Variants in COL4A6 observed in about 807,000 individuals in gnomAD.
COL4A6 encodes the protein collagen type IV alpha 6 chain, also known as collagen alpha-6(IV) chain.
In COL4A6, 59 loss-of-function variants were observed where a neutral mutation model predicts 126.7. The ratio of observed to expected loss-of-function variants is 0.47; its 90% CI spans 0.38 to 0.58. The LOEUF is 0.58. COL4A6 is among the 20% of genes least tolerant of loss of function. The pLI, the probability that COL4A6 is intolerant of heterozygous loss-of-function variation, is 0.00. For missense variants in COL4A6, 1,285 were observed against 1,337.3 expected, an observed-to-expected ratio of 0.96 and a Z score of 0.61; for synonymous variants, 547 against 496.6, an observed-to-expected ratio of 1.10 and a Z score of -1.35.
chrX:108,277,148 C>T (rs904606895), intron 3 of COL4A6, among the ~76,000 whole-genome samples: 1 of 111,458 alleles, frequency 9.0e-6, no homozygotes, highest in African/African-American at 3.3e-5. Flanking sequence ...AGACAGTGGG[C>T]GCAGGACAGT....
At chrX:108,239,599 AT>A (rs780008424) in intron 3 of COL4A6, among the ~76,000 whole-genome samples, 1 of 111,625 alleles carries the variant, frequency 9.0e-6, no homozygotes, top group Admixed American at 9.5e-5. Context: ...CCTATAGTCC[AT>A]TTATAGCTTG....
In COL4A6 at chrX:108,425,925, G is replaced by A. The variant is rs773361910; in HGVS notation, c.63+12017C>T. Among the ~76,000 whole-genome samples the A allele has an allele frequency of 2.4e-4, 27 of 111,170 alleles. No homozygotes were observed. The South Asian group carries it at 4.3e-3, about 18-fold the overall frequency. On this transcript the variant is annotated intron_variant, in intron 2 of 44. Transcript: ENST00000334504. The stretch of plus-strand genomic sequence containing the variant: ...TTTGGGGGAAAAGGGGTCTACTGTC[G>A]TAAATTTTGAAAAATGTTCTAATAG...
chrX:108,207,203 T>C (rs190730887), intron 8 of COL4A6, among the ~76,000 whole-genome samples: 1 of 110,879 alleles, frequency 9.0e-6, no homozygotes, highest in African/African-American at 3.3e-5. Flanking sequence ...TTGTCTACTA[T>C]TTACTTTGAC....
chrX:108,219,951 C>G (rs2035971358), intron 4 of COL4A6, among the ~76,000 whole-genome samples: 1 of 110,987 alleles, frequency 9.0e-6, no homozygotes, highest in Non-Finnish European at 1.9e-5. Context: ...CCGAAACCAG[C>G]TCTTTTTTTT....
In COL4A6 at chrX:108,398,155, A is replaced by G. The variant is rs183330820; in HGVS notation, c.63+39787T>C. Among the ~76,000 whole-genome samples, 3 of 112,322 alleles carry G rather than the reference A, an allele frequency of 2.7e-5. No individual in the cohort carries two copies. In the Admixed American group the frequency reaches 2.8e-4, roughly 11 times the overall value. On this transcript the variant is annotated intron_variant, in intron 2 of 44. Transcript: ENST00000334504. ...ACTCGCCCCACCCTACCCTCACGGCAAGAACTGACTAATGATGAATCAATC... is the reference window on the plus strand; with the variant it reads ...ACTCGCCCCACCCTACCCTCACGGCGAGAACTGACTAATGATGAATCAATC...
chrX:108,401,427 G>A (rs769976885), intron 2 of COL4A6, among the ~76,000 whole-genome samples: 1 of 110,404 alleles, frequency 9.1e-6, no homozygotes, highest in African/African-American at 3.3e-5. Flanking sequence ...AAGGCTGTTA[G>A]GGAGATTATA....
At chrX:108,289,527 G>T (rs888214190) in intron 3 of COL4A6, among the ~76,000 whole-genome samples, 1 of 111,124 alleles carries the variant, frequency 9.0e-6, no homozygotes, top group Non-Finnish European at 1.9e-5. Flanking sequence ...CAAAAGGCTT[G>T]TGCCAAGTTT....
At chrX:108,276,250 A>T (rs747655197) in intron 3 of COL4A6, among the ~76,000 whole-genome samples, 34 of 112,860 alleles carry the variant, frequency 3.0e-4, no homozygotes, top group African/African-American at 1.1e-3. Flanking sequence ...GTTCTGGCAG[A>T]GTAGGGCACA....
chrX:108,220,655 T>C (rs763069310), intron 4 of COL4A6, among the ~76,000 whole-genome samples: 2 of 112,503 alleles, frequency 1.8e-5, no homozygotes, highest in Non-Finnish European at 3.8e-5. Context: ...GTGATTGGAC[T>C]TCCGGTCCAT....
chrX:108,368,125 G>A (rs185407377), intron 2 of COL4A6, among the ~76,000 whole-genome samples: 2 of 108,737 alleles, frequency 1.8e-5, no homozygotes, highest in Admixed American at 9.8e-5. Flanking sequence ...GGTGCCTTCT[G>A]AGAAATGTGT....
intron 2 of COL4A6, among the ~76,000 whole-genome samples, chrX:108,397,100 TCAACCAA>T (rs981321056): frequency 1.2e-4 from 13 of 111,988 alleles, no homozygotes; most frequent in Admixed American, 1.9e-4. Context: ...TTGGGACTCT[TCAACCAA>T]GAAGATTTTC....
intron 13 of COL4A6, 95 bp from the exon 14 acceptor site, chrX:108,196,674 A>C: frequency 1.0e-5 from 7 of 698,541 alleles, no homozygotes; most frequent in Non-Finnish European, 1.5e-5. Flanking sequence ...ATTAAGCTCC[A>C]CTCTCCCCTT....
chrX:108,354,599 C>G (rs1204064736), intron 2 of COL4A6, among the ~76,000 whole-genome samples: 1 of 60,761 alleles, frequency 1.6e-5, no homozygotes, highest in Non-Finnish European at 2.9e-5. Flanking sequence ...TTAAATCCCT[C>G]CCCCCCCCCT....
intron 3 of COL4A6, among the ~76,000 whole-genome samples, chrX:108,306,071 G>A (rs2038619237): frequency 8.9e-6 from 1 of 111,980 alleles, no homozygotes; most frequent in African/African-American, 3.2e-5. Context: ...AGTGGGATGA[G>A]GACAGAATGC....
At chrX:108,421,263 C>A (rs944910471) in intron 2 of COL4A6, among the ~76,000 whole-genome samples, 11 of 112,174 alleles carry the variant, frequency 9.8e-5, no homozygotes, top group Non-Finnish European at 2.1e-4. Flanking sequence ...CTAATAACAG[C>A]TAAATTTATT....
chrX:108,179,768 T>C (rs2034626328), intron 25 of COL4A6, among the ~76,000 whole-genome samples: 1 of 107,584 alleles, frequency 9.3e-6, no homozygotes, highest in Admixed American at 1.0e-4. Context: ...GTTCTCTAGC[T>C]TCTGCTGTCA....
intron 2 of COL4A6, among the ~76,000 whole-genome samples, chrX:108,312,999 C>T (rs1185521889): frequency 2.7e-5 from 3 of 112,171 alleles, no homozygotes; most frequent in African/African-American, 9.7e-5. Context: ...TAGGAACTCG[C>T]CAGAACAAGG....
At chrX:108,321,266 T>A (rs1347745806) in intron 2 of COL4A6, among the ~76,000 whole-genome samples, 2 of 112,130 alleles carry the variant, frequency 1.8e-5, no homozygotes, top group Admixed American at 1.9e-4. Flanking sequence ...TTTTTCAACA[T>A]AGAAAGTTAA....
rs1278573408 is a variant in COL4A6 at position 108,350,667 on chromosome X, T to G, written c.64-39839A>C. Among the ~76,000 whole-genome samples the G allele has an allele frequency of 9.0e-5, 10 of 111,651 alleles. No homozygotes were observed. The Admixed American group carries it at 9.5e-4, about 11-fold the overall frequency. The stretch of plus-strand genomic sequence containing the variant: ...TAAGGAGGTTCAGCTTCAAGAGAGA[T>G]TTAAATCATTCATCTTCCCATAAGT... On this transcript the variant is annotated intron_variant, in intron 2 of 44. Coordinates refer to ENST00000334504, the MANE Select transcript of COL4A6 (RefSeq NM_033641.4).
Sources: gnomAD v4.1 joint callset for allele counts (sites outside exome capture counted in the v4.1 genomes callset) on GRCh38, gnomAD v4.1.1 for gene constraint, MANE v1.5 for transcripts, NCBI Gene and HGNC (gene_info 2026-07-23, HGNC 2026-07-21) for gene names.